Variants in CHCHD7 observed in about 807,000 individuals in gnomAD.
The protein encoded by CHCHD7 is coiled-coil-helix-coiled-coil-helix domain-containing protein 7.
A neutral mutation model predicts 10.5 loss-of-function variants in CHCHD7; 7 were observed. The ratio of observed to expected loss-of-function variants is 0.67; its 90% confidence interval spans 0.38 to 1.25. The LOEUF (loss-of-function observed/expected upper bound fraction) is 1.25, where lower values mean the gene tolerates loss of function less well. Among genes scored for constraint, CHCHD7 ranks in the 50% most tolerant of loss-of-function variants. The pLI is 0.02. For synonymous variants in CHCHD7, 40 were observed against 36.0 expected (o/e 1.11, Z -0.40); for missense variants, 100 against 104.5 (o/e 0.96, Z 0.19).
Position 56,217,473 on chromosome 8 carries a change from G to A in CHCHD7, c.*38G>A. 1.7e-6 allele frequency: 2 copies of A among 1,178,658 alleles called. No homozygotes were observed. The highest frequency in any genetic ancestry group is 3.0e-5 in the African/African-American group (2 of 65,890). 73.0% of individuals were successfully genotyped at this position (1,178,658 alleles called of 1,614,324 possible). A position where few individuals can be genotyped will look rare whatever the true frequency, so the allele number is the denominator to read the frequency against. On this transcript the variant is annotated 3_prime_UTR_variant, in exon 4 of 4. Coordinates refer to ENST00000355315, the MANE Select transcript of CHCHD7 (RefSeq NM_001011671.3). ...AAAGTGTTTATATAACTTAGAAGCA[G>A]ATGAATATTTCTAATAAATGATTGC... is the stretch of plus-strand genomic sequence containing the variant.
intron 3 of CHCHD7, 98 bp from the exon 4 acceptor site, chr8:56,217,233 C>CT (rs1157178704): frequency 1.5e-6 from 1 of 648,524 alleles, no homozygotes; most frequent in African/African-American, 1.9e-5. Context: ...TTAGAATTTC[C>CT]TTTTTGAGGA....
At chr8:56,213,267 A>G in intron 1 of CHCHD7, 1 of 167,158 alleles carries the variant, frequency 6.0e-6, no homozygotes, top group Non-Finnish European at 1.3e-5. Flanking sequence ...TAAAATTATT[A>G]TTCAGTGATT....
At chr8:56,215,960 G>T (rs1024370142) in intron 2 of CHCHD7, among the ~76,000 whole-genome samples, 4 of 152,182 alleles carry the variant, frequency 2.6e-5, no homozygotes, top group Non-Finnish European at 4.4e-5. Flanking sequence ...GTTAATTTAG[G>T]TTGTCTTGTT....
Position 56,217,405 on chromosome 8 carries a change from C to G in CHCHD7, c.228C>G (p.Ile76Met). The change falls in exon 4 of 4, where the codon ATC becomes ATG. Residue 76 changes from isoleucine to methionine, a missense_variant. Ile to Met is a conservative substitution (Grantham distance 10). Coordinates refer to ENST00000355315, the MANE Select transcript of CHCHD7 (RefSeq NM_001011671.3). ...FMPTAAERDEILRAVGNMPY is the reference protein window; with the variant it reads ...FMPTAAERDEMLRAVGNMPY ...CTACGGCAGCAGAAAGAGATGAAAT[C>G]TTGAGAGCAGTGGGAAATATGCCCT... is the stretch of plus-strand genomic sequence containing the variant. 1 of 1,608,984 alleles carries G rather than the reference C, an allele frequency of 6.2e-7. No individual in the cohort carries two copies. The highest frequency in any genetic ancestry group is 1.1e-5 in the South Asian group (1 of 90,960).
intron 1 of CHCHD7, chr8:56,214,122 C>A (rs1250323232): frequency 6.6e-6 from 1 of 152,308 alleles, no homozygotes; most frequent in African/African-American, 2.4e-5. Flanking sequence ...GTCACCCAGG[C>A]TGGAGTGCAC....
Position 56,218,160 on chromosome 8 carries a change from A to G in CHCHD7, c.*725A>G, listed in dbSNP as rs899720331. ...CAGCTGTAGTATCAGTTTTTGAACC[A>G]CAGTAATGGGAAGAAAGACAAATGG... On this transcript the variant is annotated 3_prime_UTR_variant, in exon 4 of 4. Transcript: ENST00000355315. The G allele has an allele frequency of 1.3e-5, 3 of 227,902 alleles. No homozygotes were observed. Among genetic ancestry groups the G allele is most frequent in the Non-Finnish European group, 2.6e-5 (3 of 114,930 alleles). The allele number at this position is 227,902 out of a possible 1,614,324, so 14.1% of individuals were successfully genotyped here.
rs142235798 is a variant in CHCHD7, at chr8:56,214,393, A to G, written c.-16-205A>G. 1,033 of 440,256 alleles carry G rather than the reference A, an allele frequency of 2.3e-3. 3 individuals are homozygous for G. Among genetic ancestry groups the G allele is most frequent in the Middle Eastern group, 0.011 (18 of 1,606 alleles). The allele number at this position is 440,256 out of a possible 1,614,324, so 27.3% of individuals were successfully genotyped here. A position where few individuals can be genotyped will look rare whatever the true frequency, so the allele number is the denominator to read the frequency against. ...GCCAGTAGATGCATTTCAATCCAAT[A>G]TATGGCCTTTGTGTTGAGGCATGGC... On this transcript the variant is annotated intron_variant, in intron 1 of 3. Coordinates refer to ENST00000355315, the MANE Select transcript of CHCHD7 (RefSeq NM_001011671.3).
intron 2 of CHCHD7, chr8:56,215,030 C>G: frequency 5.6e-6 from 1 of 178,134 alleles, no homozygotes; most frequent in Admixed American, 5.6e-5. Flanking sequence ...TCACCATGTC[C>G]TTGACAACCT....
At position 56,217,638 on chromosome 8, in the gene CHCHD7, T is replaced by A. The variant is rs1292169004; in HGVS notation, c.*203T>A. On this transcript the variant is annotated 3_prime_UTR_variant, in exon 4 of 4. Transcript: ENST00000355315. ...TGTTGCTGTTGGCTGTGTTGTGGCA[T>A]GAGTTTGCATGACTTTCTGGAGGCA... The A allele has an allele frequency of 1.8e-5, 8 of 439,532 alleles. No individual in the cohort carries two copies. The highest frequency in any genetic ancestry group is 2.9e-5 in the Non-Finnish European group (7 of 244,042). 27.2% of individuals were successfully genotyped at this position (439,532 alleles called of 1,614,324 possible).
Position 56,218,503 on chromosome 8 carries a change from T to C in CHCHD7, c.*1068T>C, listed in dbSNP as rs1310566609. On this transcript the variant is annotated 3_prime_UTR_variant, in exon 4 of 4. Transcript: ENST00000355315. Reference sequence around the variant, plus strand: ...TCTTGGGTCAAGAACATTGTTTTAATGGCTGCCGACAATGAACTGTCTGTC... The same window carrying C: ...TCTTGGGTCAAGAACATTGTTTTAACGGCTGCCGACAATGAACTGTCTGTC... The C allele has an allele frequency of 4.7e-6, 1 of 214,298 alleles. No homozygotes were observed. The highest frequency in any genetic ancestry group is 2.3e-5 in the African/African-American group (1 of 44,238). The allele number at this position is 214,298 out of a possible 1,614,324, so 13.3% of individuals were successfully genotyped here. A position where few individuals can be genotyped will look rare whatever the true frequency, so the allele number is the denominator to read the frequency against.
At chr8:56,216,719 C>T (rs1354346598) in intron 3 of CHCHD7, 188 bp downstream of exon 3, 5 of 725,834 alleles carry the variant, frequency 6.9e-6, no homozygotes, top group African/African-American at 3.5e-5. Flanking sequence ...GCTGCCTCGT[C>T]GTCCTCTAAG....
At chr8:56,216,581 A>C in intron 3 of CHCHD7, 50 bp downstream of exon 3, 1 of 1,600,444 alleles carries the variant, frequency 6.2e-7, no homozygotes, top group Non-Finnish European at 8.6e-7. Context: ...CCTAGGGTTG[A>C]AACTGAAGCC....
At chr8:56,216,316 A>G (rs956908062) in intron 2 of CHCHD7, 117 bp from the exon 3 acceptor site, 1 of 1,467,842 alleles carries the variant, frequency 6.8e-7, no homozygotes, top group Non-Finnish European at 9.1e-7. Flanking sequence ...CATCAAAATG[A>G]ACACAAATGA....
intron 1 of CHCHD7, chr8:56,212,538 A>C (rs1482471823): frequency 7.4e-6 from 2 of 270,682 alleles, no homozygotes; most frequent in Non-Finnish European, 1.4e-5. Flanking sequence ...TGCCCTTTGG[A>C]GTGGATTTTA....
At chr8:56,214,564 A>G (rs747156920) in intron 1 of CHCHD7, 34 bp from the exon 2 acceptor site, 2 of 1,516,966 alleles carry the variant, frequency 1.3e-6, no homozygotes, top group South Asian at 1.1e-5. Flanking sequence ...TCTGTCAACT[A>G]CTGTATAATT....
chr8:56,218,147 C>G lies in CHCHD7; in HGVS notation c.*712C>G, dbSNP rs1445517855. 4.4e-6 allele frequency: 1 copy of G among 227,888 alleles called. No individual in the cohort carries two copies. Among genetic ancestry groups the G allele is most frequent in the African/African-American group, 2.2e-5 (1 of 45,036 alleles). 14.1% of individuals were successfully genotyped at this position (227,888 alleles called of 1,614,324 possible). A position where few individuals can be genotyped will look rare whatever the true frequency, so the allele number is the denominator to read the frequency against. On this transcript the variant is annotated 3_prime_UTR_variant, in exon 4 of 4. Coordinates refer to ENST00000355315, the MANE Select transcript of CHCHD7 (RefSeq NM_001011671.3). ...GGGTTGCCTTCTGCAGCTGTAGTAT[C>G]AGTTTTTGAACCACAGTAATGGGAA...
intron 3 of CHCHD7, 73 bp downstream of exon 3, chr8:56,216,604 G>A: frequency 6.7e-7 from 1 of 1,486,556 alleles, no homozygotes; most frequent in Non-Finnish European, 9.4e-7. Context: ...AAATTAGTCA[G>A]TACCCACAAT....
chr8:56,216,570 T>C, intron 3 of CHCHD7, 39 bp downstream of exon 3: 4 of 1,611,504 alleles, frequency 2.5e-6, no homozygotes, highest in Non-Finnish European at 2.5e-6. Context: ...AAAACCCATC[T>C]CCTAGGGTTG....
intron 1 of CHCHD7, chr8:56,212,568 C>CTATG (rs1375249094): frequency 5.7e-6 from 2 of 352,646 alleles, no homozygotes; most frequent in Non-Finnish European, 1.0e-5. Flanking sequence ...CCTGAATGTG[C>CTATG]TATGGTTTTG....
Sources: allele counts gnomAD v4.1 joint callset (sites outside exome capture counted in the v4.1 genomes callset), GRCh38; gene constraint gnomAD v4.1.1; transcripts MANE v1.5; gene names NCBI Gene and HGNC (gene_info 2026-07-23, HGNC 2026-07-21).